Variants in DEFB123 observed in about 807,000 individuals in gnomAD.
DEFB123 encodes defensin beta 123.
For synonymous variants in DEFB123, 22 were observed against 28.3 expected (o/e 0.78, Z 0.71); for missense variants, 71 against 75.0 (o/e 0.95, Z 0.20).
chr20:31,448,637 T>A (rs1223736299), intron 1 of DEFB123, among the ~76,000 whole-genome samples: 1 of 152,198 alleles, frequency 6.6e-6, no homozygotes, highest in East Asian at 1.9e-4. Context: ...AACCTACTAT[T>A]AATCTCACTT....
At chr20:31,446,467 T>C (rs1332640516) in intron 1 of DEFB123, among the ~76,000 whole-genome samples, 3 of 152,238 alleles carry the variant, frequency 2.0e-5, no homozygotes, top group Non-Finnish European at 4.4e-5. Flanking sequence ...AACGTTTCCT[T>C]CTTGCCGATA....
At chr20:31,447,028 C>T (rs1260022554) in intron 1 of DEFB123, among the ~76,000 whole-genome samples, 19 of 151,266 alleles carry the variant, frequency 1.3e-4, no homozygotes, top group African/African-American at 4.6e-4. Flanking sequence ...TTTGGGAGGC[C>T]GAGGCGGGTG....
At chr20:31,440,875 G>A in intron 1 of DEFB123, 119 bp downstream of exon 1, 1 of 1,210,846 alleles carries the variant, frequency 8.3e-7, no homozygotes, top group Non-Finnish European at 1.2e-6. Flanking sequence ...TAGGAGGCAG[G>A]AGGCGCCTCA....
intron 1 of DEFB123, among the ~76,000 whole-genome samples, chr20:31,442,767 C>T (rs777534694): frequency 2.6e-5 from 4 of 151,950 alleles, no homozygotes; most frequent in Non-Finnish European, 5.9e-5. Context: ...TGCAACCACG[C>T]CTGGCAAATT....
intron 1 of DEFB123, 102 bp from the exon 2 acceptor site, chr20:31,449,927 G>T: frequency 7.3e-7 from 1 of 1,373,858 alleles, no homozygotes; most frequent in Non-Finnish European, 9.7e-7. Flanking sequence ...GGGAAACAAG[G>T]GACCTTCTAT....
rs542507379 is a variant in DEFB123, at chr20:31,450,248, C to G, written c.*74C>G. The G allele has an allele frequency of 2.7e-6, 4 of 1,486,296 alleles. No individual in the cohort carries two copies. The South Asian group carries it at 4.4e-5, about 16-fold the overall frequency. The allele number at this position is 1,486,296 out of a possible 1,614,324, so 92.1% of individuals were successfully genotyped here. On this transcript the variant is annotated 3_prime_UTR_variant, in exon 2 of 2. Coordinates refer to ENST00000376309, the MANE Select transcript of DEFB123 (RefSeq NM_153324.4). The stretch of plus-strand genomic sequence containing the variant: ...ATTCCCACACTCTATCAATAAACAC[C>G]TCTGGCTGATCCCTGCGTTTGCCTG...
At chr20:31,444,898 C>A (rs576459788) in intron 1 of DEFB123, among the ~76,000 whole-genome samples, 1 of 152,298 alleles carries the variant, frequency 6.6e-6, no homozygotes, top group East Asian at 1.9e-4. Flanking sequence ...TTATAGCAAT[C>A]AGTTCTTTGC....
Position 31,440,642 on chromosome 20 carries a change from T to A in DEFB123, c.-57T>A, listed in dbSNP as rs1436746253. On this transcript the variant is annotated 5_prime_UTR_variant, in exon 1 of 2. Transcript: ENST00000376309. ...AGCCACAGGCCAGGCACTCTCCTTC[T>A]CCCATTAGCTCAGCCGTGGCATCGG... is the stretch of plus-strand genomic sequence containing the variant. 24 of 1,606,174 alleles carry A rather than the reference T, an allele frequency of 1.5e-5. No homozygotes were observed. Among genetic ancestry groups the A allele is most frequent in the Non-Finnish European group, 2.0e-5 (23 of 1,174,762 alleles).
intron 1 of DEFB123, among the ~76,000 whole-genome samples, chr20:31,442,015 C>T (rs2122409196): frequency 6.6e-6 from 1 of 152,264 alleles, no homozygotes; most frequent in South Asian, 2.1e-4. Context: ...TCTAACTCAC[C>T]AAACTTTCCC....
At chr20:31,440,942 A>T (rs1488315030) in intron 1 of DEFB123, among the ~76,000 whole-genome samples, 186 bp downstream of exon 1, 2 of 152,294 alleles carry the variant, frequency 1.3e-5, no homozygotes, top group Non-Finnish European at 2.9e-5. Context: ...CTGCTCTCTC[A>T]GCGGCTCCAT....
At chr20:31,446,114 A>G (rs1267649011) in intron 1 of DEFB123, among the ~76,000 whole-genome samples, 1 of 152,228 alleles carries the variant, frequency 6.6e-6, no homozygotes, top group Non-Finnish European at 1.5e-5. Context: ...GAAACTGCAC[A>G]CCAAAGGACC....
chr20:31,447,701 C>T (rs1979624272), intron 1 of DEFB123, among the ~76,000 whole-genome samples: 1 of 150,506 alleles, frequency 6.6e-6, no homozygotes, highest in South Asian at 2.1e-4. Flanking sequence ...ACTGCAGCCT[C>T]GACCTCCCAG....
intron 1 of DEFB123, among the ~76,000 whole-genome samples, chr20:31,445,053 G>GA (rs1979553634): frequency 6.6e-6 from 1 of 152,052 alleles, no homozygotes; most frequent in African/African-American, 2.4e-5. Context: ...GTTATCTGTT[G>GA]AAAAAACATA....
chr20:31,441,950 A>C (rs1167595079), intron 1 of DEFB123, among the ~76,000 whole-genome samples: 1 of 152,216 alleles, frequency 6.6e-6, no homozygotes, highest in African/African-American at 2.4e-5. Context: ...TGAGGGAACA[A>C]CATTGAACAC....
chr20:31,443,691 G>A (rs1331940545), intron 1 of DEFB123, among the ~76,000 whole-genome samples: 1 of 152,172 alleles, frequency 6.6e-6, no homozygotes, highest in African/African-American at 2.4e-5. Flanking sequence ...TTGTTGGTGG[G>A]TCCACCATCA....
intron 1 of DEFB123, among the ~76,000 whole-genome samples, chr20:31,446,082 C>T (rs114225688): frequency 0.02 from 3,002 of 152,252 alleles, 71 homozygotes; most frequent in Middle Eastern, 0.058. Flanking sequence ...ACGGTCAGAT[C>T]TATTAACTTA....
At position 31,450,078 on chromosome 20, in the gene DEFB123, C is replaced by G. The variant is rs746311919; in HGVS notation, c.108C>G (p.Cys36Trp). The change falls in exon 2 of 2, where the codon TGC becomes TGG. Residue 36 changes from cysteine (C) to tryptophan (W), a missense_variant. Physicochemically the swap from Cys to Trp is radical, Grantham distance 215. Transcript: ENST00000376309. ...TTTATGGCAAATGCCGTTACAGATG[C>G]TCCAAGAAGGAAAGAGTCTATGTTT... is the stretch of plus-strand genomic sequence containing the variant. Reference protein sequence around the residue: ...WNLYGKCRYRCSKKERVYVYC... With the variant: ...WNLYGKCRYRWSKKERVYVYC... The G allele has an allele frequency of 2.0e-5, 32 of 1,612,244 alleles. 1 individual carries two copies. In the East Asian group the frequency reaches 5.8e-4, roughly 29 times the overall value.
intron 1 of DEFB123, among the ~76,000 whole-genome samples, chr20:31,441,508 C>T (rs997792317): frequency 6.6e-6 from 1 of 151,542 alleles, no homozygotes; most frequent in Non-Finnish European, 1.5e-5. Flanking sequence ...AGGAGAGAGG[C>T]GGGGGTAAAG....
At chr20:31,448,243 T>G (rs1163934161) in intron 1 of DEFB123, among the ~76,000 whole-genome samples, 1 of 152,162 alleles carries the variant, frequency 6.6e-6, no homozygotes, top group East Asian at 1.9e-4. Flanking sequence ...TTTTCTCCTA[T>G]GTACATAACG....
Sources: allele counts gnomAD v4.1 joint callset (sites outside exome capture counted in the v4.1 genomes callset), GRCh38; gene constraint gnomAD v4.1.1; transcripts MANE v1.5; gene names NCBI Gene and HGNC (gene_info 2026-07-23, HGNC 2026-07-21).